The following PRICKLE1 variants were observed in gnomAD, a reference collection of about 807,000 sequenced individuals.
PRICKLE1 encodes prickle planar cell polarity protein 1, also known as prickle-like protein 1.
In PRICKLE1, 14 loss-of-function variants were observed where a neutral mutation model predicts 70.2. That is an observed-to-expected ratio of 0.20 (90% CI 0.13 to 0.31). PRICKLE1 has a LOEUF of 0.31. Ranked by LOEUF, PRICKLE1 falls within the 10% of genes least tolerant of loss-of-function variation. PRICKLE1 has a pLI of 1.00. For synonymous variants in PRICKLE1, 357 were observed against 379.9 expected (o/e 0.94, Z 0.70); for missense variants, 821 against 1,026.2 (o/e 0.80, Z 2.73).
At chr12:42,478,429 G>C (rs1938657348) in intron 1 of PRICKLE1, among the ~76,000 whole-genome samples, 1 of 152,158 alleles carries the variant, frequency 6.6e-6, no homozygotes, top group Non-Finnish European at 1.5e-5. Flanking sequence ...TCAGAGATGG[G>C]TTTGTTCAGG....
intron 1 of PRICKLE1, among the ~76,000 whole-genome samples, chr12:42,475,157 G>A (rs1479258998): frequency 2.6e-5 from 4 of 152,158 alleles, no homozygotes; most frequent in South Asian, 4.1e-4. Context: ...ATTCCCACAA[G>A]TTCATTCCAG....
At position 42,499,960 on chromosome 12, in the gene PRICKLE1, A is replaced by G. The variant is rs903536533; in HGVS notation, c.-48-27396T>C. 2.6e-5 allele frequency among the ~76,000 whole-genome samples: 4 copies of G among 151,972 alleles called. No homozygotes were observed. In the East Asian group the frequency reaches 7.7e-4, roughly 29 times the overall value. ...GAGATGAGTTTTCACCATGTTGGCC[A>G]GGCTGGTCTCGGACTCCTGACCTCA... On this transcript the variant is annotated intron_variant, in intron 1 of 7. Coordinates refer to ENST00000345127, the MANE Select transcript of PRICKLE1 (RefSeq NM_153026.3).
intron 1 of PRICKLE1, among the ~76,000 whole-genome samples, chr12:42,488,719 G>A (rs1939032520): frequency 6.6e-6 from 1 of 152,066 alleles, no homozygotes; most frequent in Admixed American, 6.6e-5. Flanking sequence ...CCAGTATACA[G>A]TATAATCATA....
chr12:42,522,551 A>C (rs1052268347), intron 1 of PRICKLE1, among the ~76,000 whole-genome samples: 4 of 152,222 alleles, frequency 2.6e-5, no homozygotes, highest in African/African-American at 4.8e-5. Flanking sequence ...ATCTTGCTTA[A>C]ATAAGTTTAA....
At chr12:42,518,668 T>C (rs1010048523) in intron 1 of PRICKLE1, among the ~76,000 whole-genome samples, 2 of 152,228 alleles carry the variant, frequency 1.3e-5, no homozygotes, top group Non-Finnish European at 2.9e-5. Flanking sequence ...TTTATCTACA[T>C]AGAAGTTGTA....
Position 42,522,304 on chromosome 12 carries a change from C to T in PRICKLE1, c.-48-49740G>A, listed in dbSNP as rs573128299. On this transcript the variant is annotated intron_variant, in intron 1 of 7. Transcript: ENST00000345127. Reference sequence around the variant, plus strand: ...ACTTTTTTGTAAGAGACAGCATCTACGTTACCCACACTCGTCTCAAACTCC... The same window carrying T: ...ACTTTTTTGTAAGAGACAGCATCTATGTTACCCACACTCGTCTCAAACTCC... 1.1e-3 allele frequency among the ~76,000 whole-genome samples: 173 copies of T among 152,142 alleles called. 2 individuals are homozygous for T. The highest frequency in any genetic ancestry group is 4.5e-3 in the Admixed American group (69 of 15,280).
At chr12:42,577,669 G>C (rs898750238) in intron 1 of PRICKLE1, among the ~76,000 whole-genome samples, 1 of 152,102 alleles carries the variant, frequency 6.6e-6, no homozygotes, top group Non-Finnish European at 1.5e-5. Flanking sequence ...TTACAACTGA[G>C]GAAACTGAGG....
chr12:42,539,599 T>C (rs1940074591), intron 1 of PRICKLE1, among the ~76,000 whole-genome samples: 1 of 152,198 alleles, frequency 6.6e-6, no homozygotes, highest in South Asian at 2.1e-4. Context: ...ATGAGCACAA[T>C]TCTTATGATG....
At chr12:42,568,455 G>A (rs956193118) in intron 1 of PRICKLE1, among the ~76,000 whole-genome samples, 1 of 152,210 alleles carries the variant, frequency 6.6e-6, no homozygotes, top group African/African-American at 2.4e-5. Flanking sequence ...GAGTATGGGC[G>A]TGAGCCACCA....
chr12:42,531,393 T>C (rs570683921), intron 1 of PRICKLE1, among the ~76,000 whole-genome samples: 27 of 152,332 alleles, frequency 1.8e-4, no homozygotes, highest in Non-Finnish European at 3.4e-4. Flanking sequence ...TGTTAGGTTA[T>C]ACATTCACAC....
intron 1 of PRICKLE1, among the ~76,000 whole-genome samples, chr12:42,507,139 G>C (rs1167664242): frequency 6.6e-6 from 1 of 152,106 alleles, no homozygotes; most frequent in African/African-American, 2.4e-5. Context: ...TGCTCCCCTG[G>C]ATGTAAATTA....
intron 1 of PRICKLE1, among the ~76,000 whole-genome samples, chr12:42,536,229 G>C (rs945765494): frequency 6.6e-6 from 1 of 152,206 alleles, no homozygotes; most frequent in African/African-American, 2.4e-5. Context: ...ACTCCAAGGG[G>C]ACTTTTGTCT....
rs1937690997 is a variant in PRICKLE1 at position 42,459,149 on chromosome 12, C to T, written c.*660G>A. On this transcript the variant is annotated 3_prime_UTR_variant, in exon 8 of 8. Transcript: ENST00000345127. Reference sequence around the variant, plus strand: ...TTACAATTCAGGGATATAAAAATATCAGCTTTAAAATCTGAACTGTACAGT... The same window carrying T: ...TTACAATTCAGGGATATAAAAATATTAGCTTTAAAATCTGAACTGTACAGT... 1 of 545,720 alleles carries T rather than the reference C, an allele frequency of 1.8e-6. No individual in the cohort carries two copies. Among genetic ancestry groups the T allele is most frequent in the Non-Finnish European group, 3.3e-6 (1 of 305,752 alleles). The allele number at this position is 545,720 out of a possible 1,614,324, so 33.8% of individuals were successfully genotyped here. A position where few individuals can be genotyped will look rare whatever the true frequency, so the allele number is the denominator to read the frequency against.
Position 42,530,836 on chromosome 12 carries a change from G to A in PRICKLE1, c.-48-58272C>T, listed in dbSNP as rs187673971. 2.0e-3 allele frequency among the ~76,000 whole-genome samples: 295 copies of A among 150,492 alleles called. 2 individuals carry two copies. The highest frequency in any genetic ancestry group is 6.7e-3 in the African/African-American group (274 of 41,020). On this transcript the variant is annotated intron_variant, in intron 1 of 7. Coordinates refer to ENST00000345127, the MANE Select transcript of PRICKLE1 (RefSeq NM_153026.3). ...CAAGTAGCTGAGATTACAGGTGCCC[G>A]GCACCTGTAAAACATGGTGAAACCC...
intron 1 of PRICKLE1, among the ~76,000 whole-genome samples, chr12:42,476,325 G>T (rs1049502892): frequency 1.3e-5 from 2 of 152,132 alleles, no homozygotes; most frequent in African/African-American, 4.8e-5. Flanking sequence ...TGGGATTACA[G>T]GCATGTGCCA....
intron 1 of PRICKLE1, among the ~76,000 whole-genome samples, chr12:42,514,410 T>C (rs1232028667): frequency 1.3e-5 from 2 of 151,978 alleles, no homozygotes; most frequent in Middle Eastern, 3.2e-3. Flanking sequence ...ATCATCATCT[T>C]TTTTTTTGTT....
chr12:42,495,139 TG>T (rs1474904302), intron 1 of PRICKLE1, among the ~76,000 whole-genome samples: 1 of 150,896 alleles, frequency 6.6e-6, no homozygotes, highest in Admixed American at 6.6e-5. Context: ...AAAGTTAGGG[TG>T]GGTGGATTAC....
intron 1 of PRICKLE1, among the ~76,000 whole-genome samples, chr12:42,587,743 T>C (rs1184609869): frequency 2.6e-5 from 4 of 152,242 alleles, no homozygotes; most frequent in African/African-American, 9.6e-5. Context: ...GGAGGCAAAC[T>C]GAACCAGGCT....
At chr12:42,529,498 C>A (rs538728944) in intron 1 of PRICKLE1, among the ~76,000 whole-genome samples, 365 of 152,310 alleles carry the variant, frequency 2.4e-3, no homozygotes, top group African/African-American at 8.3e-3. Context: ...AATATTAGTT[C>A]TCTTGTTTAA....
Sources: allele counts gnomAD v4.1 joint callset (sites outside exome capture counted in the v4.1 genomes callset), GRCh38; gene constraint gnomAD v4.1.1; transcripts MANE v1.5; gene names NCBI Gene and HGNC (gene_info 2026-07-23, HGNC 2026-07-21).